GNA14: variants seen among roughly 807,000 people sequenced by gnomAD.
The protein encoded by GNA14 is G protein subunit alpha 14.
GNA14 carries 50 observed loss-of-function variants against 42.0 expected under a neutral mutation model. That is an observed-to-expected ratio of 1.19 (90% CI 0.95 to 1.51). The LOEUF (loss-of-function observed/expected upper bound fraction) is 1.51. GNA14 is among the 40% of genes most tolerant of loss of function. GNA14 has a pLI of 0.00. For synonymous variants in GNA14, 173 were observed against 163.1 expected, an observed-to-expected ratio of 1.06 and a Z score of -0.46; for missense variants, 473 against 446.2, an observed-to-expected ratio of 1.06 and a Z score of -0.54.
chr9:77,458,186 T>C (rs1043488770), intron 2 of GNA14, among the ~76,000 whole-genome samples: 5 of 152,206 alleles, frequency 3.3e-5, no homozygotes, highest in African/African-American at 1.2e-4. Context: ...GTCTTTCCTC[T>C]AGATGGCACT....
chr9:77,503,284 C>G (rs951987030), intron 2 of GNA14, among the ~76,000 whole-genome samples: 5 of 152,076 alleles, frequency 3.3e-5, no homozygotes, highest in Non-Finnish European at 5.9e-5. Context: ...CACTGCAGGG[C>G]AGTTGTAATG....
At chr9:77,578,146 C>T (rs887190125) in intron 1 of GNA14, among the ~76,000 whole-genome samples, 1 of 152,122 alleles carries the variant, frequency 6.6e-6, no homozygotes, top group African/African-American at 2.4e-5. Flanking sequence ...CGTGGTGGCA[C>T]ACACCCGTAG....
intron 2 of GNA14, among the ~76,000 whole-genome samples, chr9:77,440,083 T>C (rs944949341): frequency 6.6e-6 from 1 of 152,194 alleles, no homozygotes; most frequent in Non-Finnish European, 1.5e-5. Flanking sequence ...AGGAGCAAAC[T>C]CAGTGATACA....
intron 1 of GNA14, among the ~76,000 whole-genome samples, chr9:77,582,683 CAT>C (rs757603496): frequency 6.6e-6 from 1 of 152,214 alleles, no homozygotes; most frequent in Non-Finnish European, 1.5e-5. Context: ...TTGTTCCAGT[CAT>C]ATGACTTGAC....
chr9:77,443,010 T>C (rs1835761386), intron 2 of GNA14, among the ~76,000 whole-genome samples: 1 of 152,176 alleles, frequency 6.6e-6, no homozygotes, highest in Non-Finnish European at 1.5e-5. Context: ...ATATAGCAGC[T>C]CTAAAGTTTT....
chr9:77,532,456 A>C (rs997701174), intron 1 of GNA14, among the ~76,000 whole-genome samples: 2 of 152,184 alleles, frequency 1.3e-5, no homozygotes, highest in Admixed American at 6.5e-5. Flanking sequence ...TGATGGCATC[A>C]ATCTGTCTTA....
At chr9:77,430,143 A>G (rs1587755033) in intron 4 of GNA14, among the ~76,000 whole-genome samples, 1 of 152,248 alleles carries the variant, frequency 6.6e-6, no homozygotes, top group Non-Finnish European at 1.5e-5. Context: ...GAAACAGGAC[A>G]TTGCAATTGT....
chr9:77,584,004 AAC>A (rs1311367735), intron 1 of GNA14, among the ~76,000 whole-genome samples: 1 of 152,198 alleles, frequency 6.6e-6, no homozygotes, highest in African/African-American at 2.4e-5. Context: ...AATCTCAACA[AAC>A]ACAGCTAACC....
At chr9:77,561,770 G>C (rs185578048) in intron 1 of GNA14, among the ~76,000 whole-genome samples, 468 of 152,318 alleles carry the variant, frequency 3.1e-3, no homozygotes, top group Non-Finnish European at 5.6e-3. Flanking sequence ...AAATGGCTAA[G>C]AGGGTAAATT....
At chr9:77,429,102 G>C in intron 4 of GNA14, 66 bp from the exon 5 acceptor site, 4 of 1,500,708 alleles carry the variant, frequency 2.7e-6, no homozygotes, top group Non-Finnish European at 3.7e-6. Flanking sequence ...AAAAGGACAT[G>C]AATTATAGCA....
At chr9:77,535,892 GT>G (rs113315168) in intron 1 of GNA14, among the ~76,000 whole-genome samples, 37,291 of 87,566 alleles carry the variant, frequency 0.43, 5,133 homozygotes, top group East Asian at 0.55. Flanking sequence ...TAGTTGTTTT[GT>G]TTTTTTTTTT....
At chr9:77,636,341 T>C (rs1189487672) in intron 1 of GNA14, among the ~76,000 whole-genome samples, 6 of 152,184 alleles carry the variant, frequency 3.9e-5, no homozygotes, top group Admixed American at 3.9e-4. Context: ...CATTTTACTT[T>C]TTTCTCTCAT....
At chr9:77,424,960 G>A (rs1835432131) in intron 6 of GNA14, among the ~76,000 whole-genome samples, 1 of 152,152 alleles carries the variant, frequency 6.6e-6, no homozygotes, top group Non-Finnish European at 1.5e-5. Flanking sequence ...TCCTGTACCA[G>A]AAACAATTAG....
intron 1 of GNA14, among the ~76,000 whole-genome samples, chr9:77,593,043 G>T (rs1823413755): frequency 6.6e-6 from 1 of 152,028 alleles, no homozygotes. Flanking sequence ...GAGGGCAGGG[G>T]GAAGGTCTAC....
intron 1 of GNA14, among the ~76,000 whole-genome samples, chr9:77,576,220 A>C (rs1823126434): frequency 6.6e-6 from 1 of 152,184 alleles, no homozygotes; most frequent in Non-Finnish European, 1.5e-5. Flanking sequence ...GTCAGGGAGA[A>C]GAGAAAGACG....
At chr9:77,475,038 C>CTTTTTTTTTTTTTTTTTTTTTTTTT (rs1836394562) in intron 2 of GNA14, among the ~76,000 whole-genome samples, 1 of 151,188 alleles carries the variant, frequency 6.6e-6, no homozygotes, top group African/African-American at 2.5e-5. Context: ...TCCAGTGTTT[C>CTTTTTTTTTTTTTTTTTTTTTTTTT]TTTTATGGGG....
intron 1 of GNA14, among the ~76,000 whole-genome samples, chr9:77,567,335 A>T (rs983267103): frequency 2.6e-5 from 4 of 152,192 alleles, no homozygotes; most frequent in African/African-American, 9.6e-5. Context: ...GATACTCTAC[A>T]GCCATAACCT....
chr9:77,630,228 C>T lies in GNA14; in HGVS notation c.124+17442G>A, dbSNP rs150809970. ...AACTTCCTGGGCTCAAGTTATCCTC[C>T]CACTTCAGCCTCCCGAGTAGCTGGG... On this transcript the variant is annotated intron_variant, in intron 1 of 6. Coordinates refer to ENST00000341700, the MANE Select transcript of GNA14 (RefSeq NM_004297.4). 2.5e-3 allele frequency among the ~76,000 whole-genome samples: 375 copies of T among 152,024 alleles called. 1 individual carries two copies. The highest frequency in any genetic ancestry group is 8.1e-3 in the African/African-American group (334 of 41,474).
intron 1 of GNA14, among the ~76,000 whole-genome samples, chr9:77,567,908 T>C (rs558597543): frequency 2.6e-5 from 4 of 152,266 alleles, no homozygotes; most frequent in Admixed American, 2.0e-4. Flanking sequence ...CAGCAAAAGT[T>C]TGTGATAATG....
Sources: allele counts gnomAD v4.1 joint callset (sites outside exome capture counted in the v4.1 genomes callset), GRCh38; gene constraint gnomAD v4.1.1; transcripts MANE v1.5; gene names NCBI Gene and HGNC (gene_info 2026-07-23, HGNC 2026-07-21).